The following DYM variants were observed in gnomAD, a reference collection of about 807,000 sequenced individuals.
The protein encoded by DYM is dyggve-Melchior-Clausen syndrome protein.
A neutral mutation model predicts 93.1 loss-of-function variants in DYM; 78 were observed. The ratio of observed to expected loss-of-function variants is 0.84; its 90% confidence interval spans 0.70 to 1.01. The LOEUF (loss-of-function observed/expected upper bound fraction) is 1.01, where lower values mean the gene tolerates loss of function less well. DYM is among the 50% of genes least tolerant of loss of function. The pLI is 0.00. For missense variants in DYM, 789 were observed against 845.0 expected (o/e 0.93, Z 0.82); for synonymous variants, 321 against 319.7 (o/e 1.00, Z -0.04).
chr18:49,405,793 T>C (rs897850762), intron 2 of DYM, among the ~76,000 whole-genome samples: 4 of 152,234 alleles, frequency 2.6e-5, no homozygotes, highest in African/African-American at 9.6e-5. Flanking sequence ...AGAATAGTAT[T>C]GTATCTGTAG....
chr18:49,067,373 G>A (rs985247143), intron 17 of DYM, among the ~76,000 whole-genome samples: 13 of 128,938 alleles, frequency 1.0e-4, no homozygotes, highest in South Asian at 2.8e-4. Context: ...GATGTGTTAT[G>A]GAGGTTCAGT....
chr18:49,198,052 A>T (rs1278096310), intron 14 of DYM, among the ~76,000 whole-genome samples: 1 of 152,238 alleles, frequency 6.6e-6, no homozygotes, highest in Non-Finnish European at 1.5e-5. Flanking sequence ...AATGGAACAG[A>T]ACAGAGCCCT....
chr18:49,237,307 G>A (rs536317218), intron 13 of DYM, among the ~76,000 whole-genome samples: 18 of 152,138 alleles, frequency 1.2e-4, no homozygotes, highest in South Asian at 8.3e-4. Context: ...CTTAAATGTC[G>A]TAATATATGG....
intron 6 of DYM, among the ~76,000 whole-genome samples, chr18:49,352,480 G>A (rs1599619883): frequency 6.6e-6 from 1 of 152,198 alleles, no homozygotes; most frequent in Non-Finnish European, 1.5e-5. Flanking sequence ...ACATGGGAAA[G>A]TAGATCACGC....
chr18:49,165,643 A>G (rs113810005), intron 14 of DYM, among the ~76,000 whole-genome samples: 4 of 152,332 alleles, frequency 2.6e-5, no homozygotes, highest in African/African-American at 9.6e-5. Context: ...CAAAACAAAC[A>G]TAACAGAGGC....
At chr18:49,080,105 C>CA (rs2077701902) in intron 17 of DYM, among the ~76,000 whole-genome samples, 1 of 63,420 alleles carries the variant, frequency 1.6e-5, no homozygotes, top group African/African-American at 6.2e-5. Flanking sequence ...GCTGGCCGGG[C>CA]GGGGGGCTGA....
intron 15 of DYM, among the ~76,000 whole-genome samples, chr18:49,129,614 A>G (rs1386937538): frequency 1.3e-5 from 2 of 152,220 alleles, no homozygotes; most frequent in African/African-American, 4.8e-5. Context: ...ACCCAGATGC[A>G]AGAGATTTTA....
At position 49,040,804 on chromosome 18, in the gene DYM, C is replaced by T. The variant is rs947735390; in HGVS notation, c.*3251G>A. 3.9e-5 allele frequency among the ~76,000 whole-genome samples: 6 copies of T among 152,174 alleles called. No homozygotes were observed. Among genetic ancestry groups the T allele is most frequent in the African/African-American group, 1.4e-4 (6 of 41,440 alleles). The stretch of plus-strand genomic sequence containing the variant: ...GACTCAATTATGCAGAGAGCTCTAC[C>T]ACCCAATGCAAAACCCTGGCTCCCG... On this transcript the variant is annotated 3_prime_UTR_variant, in exon 18 of 18. Transcript: ENST00000675505.
intron 8 of DYM, among the ~76,000 whole-genome samples, chr18:49,304,176 A>G (rs2061135668): frequency 6.6e-6 from 1 of 152,264 alleles, no homozygotes; most frequent in African/African-American, 2.4e-5. Context: ...ACAGAGATGC[A>G]TGGACTGTTA....
intron 5 of DYM, among the ~76,000 whole-genome samples, chr18:49,373,699 G>A (rs1034155430): frequency 1.3e-5 from 2 of 152,070 alleles, no homozygotes; most frequent in African/African-American, 4.8e-5. Flanking sequence ...AGTTGTTCTG[G>A]TTCCCATGCC....
intron 10 of DYM, among the ~76,000 whole-genome samples, chr18:49,274,361 A>G (rs1206988046): frequency 6.6e-6 from 1 of 152,174 alleles, no homozygotes; most frequent in Non-Finnish European, 1.5e-5. Flanking sequence ...CTCATTGCAT[A>G]AACATACCAC....
intron 13 of DYM, among the ~76,000 whole-genome samples, chr18:49,217,657 C>T (rs534837403): frequency 9.9e-4 from 151 of 152,260 alleles, no homozygotes; most frequent in African/African-American, 3.3e-3. Flanking sequence ...CCAAACTAAG[C>T]TTCATAAGTG....
At chr18:49,186,404 T>C (rs995966138) in intron 14 of DYM, among the ~76,000 whole-genome samples, 29 of 152,302 alleles carry the variant, frequency 1.9e-4, no homozygotes, top group African/African-American at 6.5e-4. Flanking sequence ...CCACATCCTG[T>C]CCCATTCCCT....
chr18:49,167,386 AT>A (rs2088041383), intron 14 of DYM, among the ~76,000 whole-genome samples: 1 of 152,170 alleles, frequency 6.6e-6, no homozygotes, highest in Non-Finnish European at 1.5e-5. Context: ...TCTTTAAGAA[AT>A]TCTCTGTAAG....
chr18:49,378,999 T>A (rs2067786397), intron 4 of DYM, among the ~76,000 whole-genome samples: 1 of 152,126 alleles, frequency 6.6e-6, no homozygotes, highest in Admixed American at 6.5e-5. Context: ...TACATGCGAT[T>A]AAAAGAGAAG....
intron 1 of DYM, among the ~76,000 whole-genome samples, chr18:49,450,089 A>G (rs2082395583): frequency 2.0e-5 from 3 of 152,236 alleles, no homozygotes; most frequent in African/African-American, 7.2e-5. Flanking sequence ...TAAATTTAAT[A>G]AGACAGAGCT....
At chr18:49,280,739 C>A (rs772017479) in intron 10 of DYM, among the ~76,000 whole-genome samples, 14 of 152,206 alleles carry the variant, frequency 9.2e-5, no homozygotes, top group African/African-American at 1.4e-4. Context: ...TTGACCATCA[C>A]CTTTGTGGCA....
chr18:49,235,562 AATAAC>A (rs1334708966), intron 13 of DYM, among the ~76,000 whole-genome samples: 1 of 152,198 alleles, frequency 6.6e-6, no homozygotes, highest in African/African-American at 2.4e-5. Flanking sequence ...CTTCAAACTT[AATAAC>A]ATTTAGTCTG....
At chr18:49,158,516 C>T (rs1206268371) in intron 15 of DYM, among the ~76,000 whole-genome samples, 1 of 152,170 alleles carries the variant, frequency 6.6e-6, no homozygotes, top group Non-Finnish European at 1.5e-5. Flanking sequence ...AGCATACCTA[C>T]TAAGATAACT....
Sources: allele counts gnomAD v4.1 joint callset (sites outside exome capture counted in the v4.1 genomes callset), GRCh38; gene constraint gnomAD v4.1.1; transcripts MANE v1.5; gene names NCBI Gene and HGNC (gene_info 2026-07-23, HGNC 2026-07-21).